The following RBM41 variants were observed in gnomAD, a reference collection of about 807,000 sequenced individuals.
RBM41 encodes RNA-binding protein 41.
In RBM41, 14 loss-of-function variants were observed where a neutral mutation model predicts 30.8. The ratio of observed to expected loss-of-function variants is 0.45; its 90% CI spans 0.30 to 0.71. The LOEUF (loss-of-function observed/expected upper bound fraction) is 0.71, where lower values mean the gene tolerates loss of function less well. Ranked by LOEUF, RBM41 falls within the 30% of genes least tolerant of loss-of-function variation. The probability of loss-of-function intolerance (pLI) is 0.08; values close to 1 mark genes in which losing one functional copy is unlikely to be tolerated. For missense variants in RBM41, 276 were observed against 326.3 expected (o/e 0.85, Z 1.19); for synonymous variants, 120 against 110.1 (o/e 1.09, Z -0.56).
chrX:107,059,544 T>C (rs1935610684), downstream of RBM41, among the ~76,000 whole-genome samples: 1 of 111,902 alleles, frequency 8.9e-6, no homozygotes, highest in Admixed American at 9.5e-5. Context: ...AAGTTCTCAT[T>C]TGACTGCCAA....
chrX:107,069,420 T>C lies in RBM41; in HGVS notation c.1000-18A>G. Reference sequence around the variant, plus strand: ...TATAATACCTAAAACAAATTGAGGATCAACCAAAATATCATATAAAGGAGG... The same window carrying C: ...TATAATACCTAAAACAAATTGAGGACCAACCAAAATATCATATAAAGGAGG... On this transcript the variant is annotated intron_variant, in intron 6 of 7. Coordinates refer to ENST00000685964, the MANE Select transcript of RBM41 (RefSeq NM_001324242.2). 8.5e-7 allele frequency: 1 copy of C among 1,178,253 alleles called. No individual in the cohort carries two copies. The highest frequency in any genetic ancestry group is 1.8e-5 in the African/African-American group (1 of 55,967).
Position 107,067,597 on chromosome X carries a change from C to A in RBM41, c.1244G>T (p.Arg415Leu), listed in dbSNP as rs200106292. Residue 415 changes from arginine to leucine, a missense_variant, in exon 8 of 8, where the codon CGG (arginine) becomes CTG (leucine). Transcript: ENST00000685964. ...GAGAGAAGTCGCTTGGAGATTTGAC[C>A]GTTGCTTTTTGTTCTTTCCAAACTC... ...VIEFGKNKKQ[R>L]SNLQATSLIS... is the part of the protein sequence containing the mutation. 11 of 1,208,793 alleles carry A rather than the reference C, an allele frequency of 9.1e-6. No homozygotes were observed. In the Admixed American group the frequency reaches 1.8e-4, roughly 19 times the overall value.
chrX:107,113,109 TAAAA>T lies in RBM41; in HGVS notation c.595+284_595+287del, dbSNP rs1358748781. On this transcript the variant is annotated intron_variant, in intron 5 of 7. Transcript: ENST00000685964. ...TCAATAATTATACTTTACTGACTAA[TAAAA>T]ATATTCAGAATTATTTGTGAAATGG... Among the ~76,000 whole-genome samples, 130 of 111,634 alleles carry T rather than the reference TAAAA, an allele frequency of 1.2e-3. 11 individuals are homozygous for T. The highest frequency in any genetic ancestry group is 9.5e-5 in the Admixed American group (1 of 10,495).
chrX:107,098,870 G>A (rs1369397804), intron 5 of RBM41, among the ~76,000 whole-genome samples: 1 of 110,109 alleles, frequency 9.1e-6, no homozygotes, highest in Non-Finnish European at 1.9e-5. Flanking sequence ...CCGTGGTGGC[G>A]CATATCTGTA....
chrX:107,068,450 C>T (rs765780000), intron 7 of RBM41, among the ~76,000 whole-genome samples: 55 of 111,805 alleles, frequency 4.9e-4, no homozygotes, highest in Admixed American at 1.9e-3. Context: ...TCAACTAATA[C>T]ATCGTATTAT....
In RBM41 at chrX:107,065,171, T is replaced by C. The variant is rs770428767; in HGVS notation, c.*2356A>G. 9.0e-6 allele frequency: 1 copy of C among 111,616 alleles called. No individual in the cohort carries two copies. Among genetic ancestry groups the C allele is most frequent in the South Asian group, 3.8e-4 (1 of 2,628 alleles). The allele number at this position is 111,616 out of a possible 1,213,427, so 9.2% of individuals were successfully genotyped here. On this transcript the variant is annotated 3_prime_UTR_variant, in exon 8 of 8. Coordinates refer to ENST00000685964, the MANE Select transcript of RBM41 (RefSeq NM_001324242.2). Reference sequence around the variant, plus strand: ...TCTATCTTCTAAAGTGTGTCTCAAATAGATGGCATGAAGTGGAATCAGACT... The same window carrying C: ...TCTATCTTCTAAAGTGTGTCTCAAACAGATGGCATGAAGTGGAATCAGACT...
At chrX:107,082,846 C>T (rs1009155958) in intron 6 of RBM41, among the ~76,000 whole-genome samples, 3 of 110,989 alleles carry the variant, frequency 2.7e-5, no homozygotes, top group Non-Finnish European at 5.7e-5. Context: ...GCAACCTATT[C>T]CTTATAATAT....
rs913811031 is a variant in RBM41, at chrX:107,091,735, T to C, written c.596-2896A>G. Among the ~76,000 whole-genome samples the C allele has an allele frequency of 1.1e-4, 12 of 112,306 alleles. No homozygotes were observed. In the Admixed American group the frequency reaches 1.1e-3, roughly 11 times the overall value. On this transcript the variant is annotated intron_variant, in intron 5 of 7. Coordinates refer to ENST00000685964, the MANE Select transcript of RBM41 (RefSeq NM_001324242.2). ...ACACATATACATAATTCATTAGTTA[T>C]ACCTCTCTCCTACATAAAAAGTAAC...
At chrX:107,090,431 C>A (rs934233652) in intron 5 of RBM41, among the ~76,000 whole-genome samples, 6 of 111,653 alleles carry the variant, frequency 5.4e-5, no homozygotes, top group African/African-American at 9.8e-5. Context: ...ATAATGAAAT[C>A]GTGTATTTTC....
chrX:107,077,482 T>C (rs1921064357), intron 6 of RBM41, among the ~76,000 whole-genome samples: 1 of 110,073 alleles, frequency 9.1e-6, no homozygotes, highest in Non-Finnish European at 1.9e-5. Flanking sequence ...GAGGTGGCTC[T>C]GTCAGGGGAT....
At chrX:107,113,561 T>C (rs1376543316) in intron 4 of RBM41, 93 bp from the exon 5 acceptor site, 1 of 935,369 alleles carries the variant, frequency 1.1e-6, no homozygotes, top group African/African-American at 2.0e-5. Flanking sequence ...GGTACTGCTT[T>C]AAGTGATTTA....
intron 2 of RBM41, 147 bp downstream of exon 2, chrX:107,116,503 G>C (rs887937200): frequency 1.2e-5 from 11 of 941,414 alleles, no homozygotes; most frequent in Admixed American, 1.1e-4. Context: ...CAGAGGAAGA[G>C]ACACAGAATT....
At chrX:107,085,074 C>G in intron 6 of RBM41, among the ~76,000 whole-genome samples, 1 of 110,654 alleles carries the variant, frequency 9.0e-6, no homozygotes. Context: ...ATTATAACAT[C>G]TCCTAATGTG....
In RBM41 at chrX:107,067,672, G is replaced by T; in HGVS notation, c.1169C>A (p.Ala390Glu). The change falls in exon 8 of 8, where the codon GCA (alanine) becomes GAA (glutamate). Residue 390 changes from alanine (A) to glutamate (E), a missense_variant. Physicochemically the swap from Ala to Glu is moderately radical, Grantham distance 107. Transcript: ENST00000685964. Reference protein sequence around the residue: ...TFPNKEIAWQALHLVNGYKLH... With the variant: ...TFPNKEIAWQELHLVNGYKLH... ...TTTGTATCCATTTACTAGATGCAAT[G>T]CTTGCCATGCTATCTCCTTATCTAA... 1 of 1,206,358 alleles carries T rather than the reference G, an allele frequency of 8.3e-7. No homozygotes were observed. Among genetic ancestry groups the T allele is most frequent in the Non-Finnish European group, 1.1e-6 (1 of 893,070 alleles).
At chrX:107,071,902 A>C (rs531399123) in intron 6 of RBM41, among the ~76,000 whole-genome samples, 3 of 112,174 alleles carry the variant, frequency 2.7e-5, no homozygotes, top group African/African-American at 9.7e-5. Flanking sequence ...CATAGCAAAT[A>C]GGCAAGAAAC....
intron 5 of RBM41, among the ~76,000 whole-genome samples, chrX:107,105,934 A>T (rs1923933148): frequency 1.8e-5 from 2 of 111,826 alleles, no homozygotes; most frequent in African/African-American, 6.5e-5. Flanking sequence ...AACCTAGGCA[A>T]TACCATTCAG....
At chrX:107,077,379 C>T (rs1276234299) in intron 6 of RBM41, among the ~76,000 whole-genome samples, 5 of 111,043 alleles carry the variant, frequency 4.5e-5, no homozygotes, top group African/African-American at 1.6e-4. Context: ...GTGATCCACC[C>T]GCCTCGGCCT....
At chrX:107,116,581 C>CTTTA in intron 2 of RBM41, 69 bp downstream of exon 2, 7 of 1,175,793 alleles carry the variant, frequency 6.0e-6, no homozygotes, top group Non-Finnish European at 5.7e-6. Flanking sequence ...TCCATCTAGG[C>CTTTA]TTTAAGAGAG....
chrX:107,056,944 A>G (rs749665729), downstream of RBM41, among the ~76,000 whole-genome samples: 1 of 108,415 alleles, frequency 9.2e-6, no homozygotes, highest in South Asian at 4.2e-4. Flanking sequence ...GCAGTGGTAC[A>G]AGCATGGATC....
Sources: gnomAD v4.1 joint callset for allele counts (sites outside exome capture counted in the v4.1 genomes callset) on GRCh38, gnomAD v4.1.1 for gene constraint, MANE v1.5 for transcripts, NCBI Gene and HGNC (gene_info 2026-07-23, HGNC 2026-07-21) for gene names.